Variants in TENM3 observed in about 807,000 individuals in gnomAD.
TENM3 encodes teneurin transmembrane protein 3, also known as teneurin-3.
Under a neutral mutation model 255.1 loss-of-function variants are expected in TENM3, and 63 were observed. That is an observed-to-expected ratio of 0.25 (90% confidence interval 0.20 to 0.30). The LOEUF is 0.30. Ranked by LOEUF, TENM3 falls within the 10% of genes least tolerant of loss-of-function variation. The probability of loss-of-function intolerance (pLI) is 1.00; values close to 1 mark genes in which losing one functional copy is unlikely to be tolerated. For missense variants in TENM3, 2,929 were observed against 3,461.1 expected, an observed-to-expected ratio of 0.85 and a Z score of 3.86; for synonymous variants, 1,306 against 1,322.3, an observed-to-expected ratio of 0.99 and a Z score of 0.27.
chr4:181,469,018 ATC>A, the TENM3 span, among the ~76,000 whole-genome samples: 2 of 152,158 alleles, frequency 1.3e-5, no homozygotes, highest in African/African-American at 4.8e-5. Context: ...TACATACATA[ATC>A]TCTTTCTTTG....
the TENM3 span, among the ~76,000 whole-genome samples, chr4:182,037,679 A>G: frequency 1.3e-5 from 2 of 152,044 alleles, no homozygotes; most frequent in Non-Finnish European, 2.9e-5. Context: ...GTTTTCATAC[A>G]TTTTTTCCTA....
At chr4:182,583,083 A>G (rs981512458) in intron 3 of TENM3, among the ~76,000 whole-genome samples, 1 of 152,222 alleles carries the variant, frequency 6.6e-6, no homozygotes, top group Non-Finnish European at 1.5e-5. Context: ...TATAGTTGGC[A>G]AAAGCCAAAT....
chr4:181,877,962 G>A, the TENM3 span, among the ~76,000 whole-genome samples: 1 of 152,160 alleles, frequency 6.6e-6, no homozygotes, highest in Non-Finnish European at 1.5e-5. Context: ...TGGCGTTTCT[G>A]TCATTCCTGC....
At chr4:181,918,872 C>T in the TENM3 span, among the ~76,000 whole-genome samples, 4 of 151,940 alleles carry the variant, frequency 2.6e-5, no homozygotes, top group African/African-American at 4.8e-5. Context: ...AGGCTTGCAA[C>T]GTAGTAAGAG....
At chr4:182,047,560 C>CAAAAAAA in the TENM3 span, among the ~76,000 whole-genome samples, 3 of 72,296 alleles carry the variant, frequency 4.1e-5, no homozygotes, top group East Asian at 4.7e-4. Context: ...GACTCCATCT[C>CAAAAAAA]AAAAAAAAAA....
intron 3 of TENM3, among the ~76,000 whole-genome samples, chr4:182,489,312 A>T (rs1445438376): frequency 6.6e-6 from 1 of 152,194 alleles, no homozygotes; most frequent in Non-Finnish European, 1.5e-5. Flanking sequence ...TGTATATGTG[A>T]TCTCTAAAGC....
the TENM3 span, among the ~76,000 whole-genome samples, chr4:181,992,234 T>A: frequency 6.6e-6 from 1 of 152,222 alleles, no homozygotes; most frequent in Non-Finnish European, 1.5e-5. Flanking sequence ...GCACTCAATT[T>A]ATCTCCTGTA....
chr4:181,690,479 T>A, the TENM3 span, among the ~76,000 whole-genome samples: 4 of 152,226 alleles, frequency 2.6e-5, no homozygotes, highest in Non-Finnish European at 5.9e-5. Flanking sequence ...AGGATTTTTT[T>A]AATGGACATA....
At chr4:181,775,264 G>A in the TENM3 span, among the ~76,000 whole-genome samples, 1 of 152,140 alleles carries the variant, frequency 6.6e-6, no homozygotes, top group African/African-American at 2.4e-5. Context: ...CTCCACAAGA[G>A]TCCTTATTAA....
chr4:182,437,783 GCGAGA>G (rs1772153146), intron 3 of TENM3, among the ~76,000 whole-genome samples: 2 of 145,750 alleles, frequency 1.4e-5, no homozygotes, highest in Non-Finnish European at 3.0e-5. Flanking sequence ...GGATGACAGA[GCGAGA>G]CTCCGTCTAA....
intron 1 of TENM3, among the ~76,000 whole-genome samples, chr4:182,256,534 A>C (rs1235047501): frequency 6.6e-6 from 1 of 152,142 alleles, no homozygotes; most frequent in East Asian, 1.9e-4. Context: ...AAGATCCTAA[A>C]ACTCTCAAAA....
the TENM3 span, among the ~76,000 whole-genome samples, chr4:181,546,170 G>T: frequency 6.6e-6 from 1 of 152,198 alleles, no homozygotes; most frequent in East Asian, 1.9e-4. Flanking sequence ...GCCTCTAGAG[G>T]CTTGTCAACT....
At chr4:182,723,812 A>G (rs2309701) in intron 13 of TENM3, among the ~76,000 whole-genome samples, 133,953 of 151,858 alleles carry the variant, frequency 0.88, 59,287 homozygotes, top group African/African-American at 0.93. Flanking sequence ...TTATTGGAAC[A>G]CATTCATGCC....
the TENM3 span, among the ~76,000 whole-genome samples, chr4:182,082,266 A>G: frequency 6.6e-6 from 1 of 152,286 alleles, no homozygotes; most frequent in Non-Finnish European, 1.5e-5. Context: ...TGGCAGAAAG[A>G]GCAAGGCAGC....
intron 5 of TENM3, among the ~76,000 whole-genome samples, chr4:182,631,080 C>A (rs1324614701): frequency 6.6e-6 from 1 of 151,288 alleles, no homozygotes; most frequent in African/African-American, 2.4e-5. Flanking sequence ...CTTTTTTTTT[C>A]ATATTGCCTA....
At chr4:181,552,657 G>C in the TENM3 span, among the ~76,000 whole-genome samples, 1 of 152,212 alleles carries the variant, frequency 6.6e-6, no homozygotes, top group South Asian at 2.1e-4. Context: ...CTCAGTTACT[G>C]GGGGGAAAAT....
At chr4:181,517,019 T>C in the TENM3 span, among the ~76,000 whole-genome samples, 16 of 152,304 alleles carry the variant, frequency 1.1e-4, no homozygotes, top group South Asian at 1.5e-3. Flanking sequence ...ACTGATGCAC[T>C]GTTCAGCCAT....
chr4:182,448,127 CTTCT>C (rs1258720275), intron 3 of TENM3, among the ~76,000 whole-genome samples: 1 of 152,230 alleles, frequency 6.6e-6, no homozygotes, highest in Non-Finnish European at 1.5e-5. Context: ...CTGGTACCGT[CTTCT>C]CTCCCCGGGT....
At chr4:182,309,341 C>G (rs1049497389) in intron 1 of TENM3, among the ~76,000 whole-genome samples, 2 of 152,146 alleles carry the variant, frequency 1.3e-5, no homozygotes, top group Non-Finnish European at 2.9e-5. Context: ...GGGCAGTAGA[C>G]AGTGTATATG....
Sources: allele counts gnomAD v4.1 joint callset (sites outside exome capture counted in the v4.1 genomes callset), GRCh38; gene constraint gnomAD v4.1.1; transcripts MANE v1.5; gene names NCBI Gene and HGNC (gene_info 2026-07-23, HGNC 2026-07-21).